Variants in SCFD2 observed in about 807,000 individuals in gnomAD.
The protein encoded by SCFD2 is sec1 family domain-containing protein 2.
In SCFD2, 54 loss-of-function variants were observed where a neutral mutation model predicts 58.9. That is an observed-to-expected ratio of 0.92 (90% CI 0.74 to 1.15). The LOEUF is 1.15. SCFD2 is among the 50% of genes most tolerant of loss of function. The probability of loss-of-function intolerance (pLI) is 0.00; values close to 1 mark genes in which losing one functional copy is unlikely to be tolerated. For synonymous variants in SCFD2, 321 were observed against 335.9 expected, an observed-to-expected ratio of 0.96 and a Z score of 0.49; for missense variants, 805 against 836.6, an observed-to-expected ratio of 0.96 and a Z score of 0.47.
intron 4 of SCFD2, among the ~76,000 whole-genome samples, chr4:53,252,848 AC>A (rs777144877): frequency 2.7e-3 from 416 of 152,320 alleles, no homozygotes; most frequent in Non-Finnish European, 4.5e-3. Context: ...CATGTCTAAA[AC>A]ACCAAAAGCA....
At chr4:53,271,075 A>G (rs375707022) in intron 4 of SCFD2, among the ~76,000 whole-genome samples, 35 of 152,128 alleles carry the variant, frequency 2.3e-4, no homozygotes, top group African/African-American at 8.4e-4. Context: ...AAAATACATA[A>G]TGAAGAAATA....
At chr4:52,985,050 T>G (rs1721457406) in intron 5 of SCFD2, among the ~76,000 whole-genome samples, 1 of 152,234 alleles carries the variant, frequency 6.6e-6, no homozygotes, top group Non-Finnish European at 1.5e-5. Flanking sequence ...CATGGGTATT[T>G]AAAAACACAG....
intron 7 of SCFD2, among the ~76,000 whole-genome samples, chr4:52,896,245 T>C (rs1719008092): frequency 6.6e-6 from 1 of 152,240 alleles, no homozygotes; most frequent in Non-Finnish European, 1.5e-5. Flanking sequence ...CCCATGCCTA[T>C]GTCCTGAATG....
At chr4:53,109,945 C>A (rs1449925184) in intron 5 of SCFD2, among the ~76,000 whole-genome samples, 1 of 151,994 alleles carries the variant, frequency 6.6e-6, no homozygotes, top group Admixed American at 6.6e-5. Flanking sequence ...ATAAATAAAT[C>A]TGGAGGTATC....
chr4:53,086,535 C>T (rs559578922), intron 5 of SCFD2, among the ~76,000 whole-genome samples: 1 of 152,240 alleles, frequency 6.6e-6, no homozygotes, highest in Admixed American at 6.5e-5. Flanking sequence ...GCTGGGTGTA[C>T]ACCCAAAAGA....
intron 5 of SCFD2, among the ~76,000 whole-genome samples, chr4:53,067,233 A>C (rs949746245): frequency 3.3e-5 from 5 of 152,042 alleles, no homozygotes; most frequent in Middle Eastern, 3.4e-3. Context: ...ATTGGGATGG[A>C]GATCTCAACC....
chr4:53,178,626 G>A (rs1294369652), intron 4 of SCFD2, among the ~76,000 whole-genome samples: 2 of 152,204 alleles, frequency 1.3e-5, no homozygotes, highest in East Asian at 3.9e-4. Flanking sequence ...CTCCTCACCA[G>A]CAATGGAACA....
At chr4:53,119,459 C>A (rs573996965) in intron 5 of SCFD2, among the ~76,000 whole-genome samples, 1 of 151,876 alleles carries the variant, frequency 6.6e-6, no homozygotes, top group Non-Finnish European at 1.5e-5. Context: ...CCAGCCTGGG[C>A]GACAGAACGA....
At chr4:53,212,693 G>T (rs75570756) in intron 4 of SCFD2, among the ~76,000 whole-genome samples, 2,326 of 151,380 alleles carry the variant, frequency 0.015, 91 homozygotes, top group African/African-American at 0.054. Flanking sequence ...AAGGAAAACT[G>T]TTCATATTAT....
chr4:53,340,062 T>C (rs1577984204), intron 2 of SCFD2, among the ~76,000 whole-genome samples: 1 of 152,164 alleles, frequency 6.6e-6, no homozygotes. Context: ...AGGTGATTTC[T>C]GCATTTCCAA....
chr4:52,901,466 C>G (rs754726675), intron 7 of SCFD2, among the ~76,000 whole-genome samples: 11 of 152,218 alleles, frequency 7.2e-5, no homozygotes, highest in Non-Finnish European at 1.3e-4. Flanking sequence ...TCCTAGGATG[C>G]TGGCCCTTGG....
At chr4:52,902,589 A>G (rs1196860817) in intron 7 of SCFD2, among the ~76,000 whole-genome samples, 9 of 152,230 alleles carry the variant, frequency 5.9e-5, no homozygotes, top group Admixed American at 4.6e-4. Context: ...CTCTTTTCAG[A>G]CATCACAGTG....
intron 2 of SCFD2, among the ~76,000 whole-genome samples, chr4:53,334,385 A>G (rs1271170054): frequency 6.6e-6 from 1 of 152,148 alleles, no homozygotes; most frequent in Non-Finnish European, 1.5e-5. Context: ...GATTAAGAAA[A>G]TGTGGCACAT....
chr4:53,263,684 T>C (rs1367177241), intron 4 of SCFD2, among the ~76,000 whole-genome samples: 2 of 152,196 alleles, frequency 1.3e-5, no homozygotes, highest in African/African-American at 2.4e-5. Context: ...GTGAGGGTCC[T>C]TGGTTGTATT....
At chr4:53,137,184 C>T (rs1158648641) in intron 5 of SCFD2, among the ~76,000 whole-genome samples, 38 of 152,154 alleles carry the variant, frequency 2.5e-4, no homozygotes, top group Admixed American at 2.6e-4. Context: ...GCCATGAAAC[C>T]GAGATCTAGC....
At chr4:53,181,656 G>A (rs1727561044) in intron 4 of SCFD2, among the ~76,000 whole-genome samples, 1 of 152,108 alleles carries the variant, frequency 6.6e-6, no homozygotes, top group Admixed American at 6.5e-5. Flanking sequence ...TTCTGGCCAG[G>A]GCAATCAGGC....
chr4:53,162,158 T>G (rs984791786), intron 4 of SCFD2, among the ~76,000 whole-genome samples: 3 of 152,116 alleles, frequency 2.0e-5, no homozygotes, highest in African/African-American at 7.2e-5. Flanking sequence ...CCTTTTTCCC[T>G]TGCTTGCTTT....
At chr4:53,237,741 C>A (rs1393149850) in intron 4 of SCFD2, among the ~76,000 whole-genome samples, 1 of 116,270 alleles carries the variant, frequency 8.6e-6, no homozygotes, top group African/African-American at 3.3e-5. Flanking sequence ...CCCCTCACCT[C>A]CCGGACGGGG....
At chr4:53,231,427 A>G (rs1014906264) in intron 4 of SCFD2, among the ~76,000 whole-genome samples, 1 of 152,196 alleles carries the variant, frequency 6.6e-6, no homozygotes, top group Non-Finnish European at 1.5e-5. Flanking sequence ...TTCTGGTTAC[A>G]TAAGAAATCA....
Sources: allele counts gnomAD v4.1 joint callset (sites outside exome capture counted in the v4.1 genomes callset), GRCh38; gene constraint gnomAD v4.1.1; transcripts MANE v1.5; gene names NCBI Gene and HGNC (gene_info 2026-07-23, HGNC 2026-07-21).